The following NAV1 variants were observed in gnomAD, a reference collection of about 807,000 sequenced individuals.
NAV1 encodes neuron navigator 1.
NAV1 carries 18 observed loss-of-function variants against 175.2 expected under a neutral mutation model. The observed-to-expected ratio is 0.10, with a 90% confidence interval of 0.07 to 0.15. The LOEUF is 0.15. Among genes scored for constraint, NAV1 ranks in the 10% least tolerant of loss-of-function variants. NAV1 has a pLI of 1.00. For missense variants in NAV1, 1,731 were observed against 2,436.6 expected, an observed-to-expected ratio of 0.71 and a Z score of 6.10; for synonymous variants, 897 against 978.7, an observed-to-expected ratio of 0.92 and a Z score of 1.56.
rs529072058 is a variant in NAV1 at position 201,648,452 on chromosome 1, C to T, written c.-217C>T. ...GGCTTCCCTGCTCTTTCCTTTTTCC[C>T]GGCTTCCTTCCTCGCGTTTCTTTCC... On this transcript the variant is annotated 5_prime_UTR_variant, in exon 1 of 30. Transcript: ENST00000367296. 611 of 1,232,398 alleles carry T rather than the reference C, an allele frequency of 5.0e-4. 2 individuals carry two copies. In the African/African-American group the frequency reaches 8.9e-3, roughly 18 times the overall value. The allele number at this position is 1,232,398 out of a possible 1,614,324, so 76.3% of individuals were successfully genotyped here.
intron 3 of NAV1, among the ~76,000 whole-genome samples, chr1:201,771,533 G>A (rs1172178938): frequency 6.7e-6 from 1 of 148,478 alleles, no homozygotes; most frequent in Non-Finnish European, 1.5e-5. Context: ...CTGGTGAACT[G>A]ACCTATAACA....
At chr1:201,799,254 G>C in intron 15 of NAV1, among the ~76,000 whole-genome samples, 1 of 152,004 alleles carries the variant, frequency 6.6e-6, no homozygotes, top group East Asian at 1.9e-4. Flanking sequence ...ATTAGGTGGA[G>C]GGCATATGGG....
chr1:201,649,916 C>A (rs61039413), intron 1 of NAV1, among the ~76,000 whole-genome samples: 2,225 of 152,052 alleles, frequency 0.015, 64 homozygotes, highest in African/African-American at 0.051. Context: ...TCCACTTCCT[C>A]TGTGGATCCC....
In NAV1 at chr1:201,539,430, C is replaced by A. The variant is rs1665436281; in HGVS notation, c.-144+88C>A. 6.6e-6 allele frequency among the ~76,000 whole-genome samples: 1 copy of A among 151,916 alleles called. No homozygotes were observed. Among genetic ancestry groups the A allele is most frequent in the African/African-American group, 2.4e-5 (1 of 41,382 alleles). ...TGCGAGGCTTGGCTGGCAGGTCCTGCGAGGCCGAGACCAAGTCTCGGGGTA... is the reference window on the plus strand; with the variant it reads ...TGCGAGGCTTGGCTGGCAGGTCCTGAGAGGCCGAGACCAAGTCTCGGGGTA... On this transcript the variant is annotated intron_variant, in intron 1 of 33. Coordinates refer to the NAV1 transcript ENST00000685211. The surrounding 1 kb of genome is among the most constrained non-coding windows in gnomAD (Gnocchi z 5.6).
intron 2 of NAV1, among the ~76,000 whole-genome samples, chr1:201,599,503 A>G (rs1438895268): frequency 6.6e-6 from 1 of 152,188 alleles, no homozygotes; most frequent in Non-Finnish European, 1.5e-5. Flanking sequence ...TAAGGGTTTC[A>G]TGAGGTCCTG....
intron 3 of NAV1, among the ~76,000 whole-genome samples, chr1:201,745,824 T>A (rs2102575747): frequency 6.6e-6 from 1 of 152,088 alleles, no homozygotes; most frequent in East Asian, 1.9e-4. Context: ...GGAAGTTAAT[T>A]TTATTGTATT....
At position 201,782,066 on chromosome 1, in the gene NAV1, G is replaced by A; in HGVS notation, c.1664-110G>A. 9.9e-7 allele frequency: 1 copy of A among 1,007,604 alleles called. No individual in the cohort carries two copies. Among genetic ancestry groups the A allele is most frequent in the African/African-American group, 1.6e-5 (1 of 61,986 alleles). 62.4% of individuals were successfully genotyped at this position (1,007,604 alleles called of 1,614,324 possible). ...TTTACCCAAATTTAGGCCTCTAAAA[G>A]TCTACAATACATGGACAATGTTCCC... On this transcript the variant is annotated intron_variant, in intron 5 of 29. Coordinates refer to ENST00000367296, the Ensembl canonical transcript of NAV1. This position sits in a 1 kb window ranked among gnomAD's most constrained non-coding sequence, Gnocchi z 5.4.
At chr1:201,552,526 C>A (rs977172845) in intron 1 of NAV1, among the ~76,000 whole-genome samples, 1 of 152,098 alleles carries the variant, frequency 6.6e-6, no homozygotes, top group African/African-American at 2.4e-5. Flanking sequence ...GGGTAATGCA[C>A]AGGCTTTGGA....
chr1:201,804,616 A>C (rs1045105376), intron 17 of NAV1, 119 bp downstream of exon 21: 2 of 953,044 alleles, frequency 2.1e-6, no homozygotes, highest in Non-Finnish European at 3.1e-6. Flanking sequence ...ATGACCACTC[A>C]TAACACTAAC....
intron 3 of NAV1, among the ~76,000 whole-genome samples, chr1:201,746,385 A>G (rs185046278): frequency 1.3e-5 from 2 of 152,200 alleles, no homozygotes; most frequent in African/African-American, 2.4e-5. Flanking sequence ...ATTAGGTTAA[A>G]TCATGTCACC....
At chr1:201,544,892 T>A (rs954421521) in intron 1 of NAV1, among the ~76,000 whole-genome samples, 4 of 152,250 alleles carry the variant, frequency 2.6e-5, no homozygotes, top group African/African-American at 9.6e-5. Flanking sequence ...AAGGTTGATA[T>A]ATGACGTAAT....
rs1678790484 is a variant in NAV1 at position 201,813,030 on chromosome 1, T to G, written c.5222-110T>G. On this transcript the variant is annotated intron_variant, in intron 27 of 29. Transcript: ENST00000367296. This position sits in a 1 kb window ranked among gnomAD's most constrained non-coding sequence, Gnocchi z 4.2. ...AGTCTTGACAACTCTAAATTTCCTTTAATCCTTTGACTGTCAGACCCCTCT... is the reference window on the plus strand; with the variant it reads ...AGTCTTGACAACTCTAAATTTCCTTGAATCCTTTGACTGTCAGACCCCTCT... The G allele has an allele frequency of 1.3e-6, 1 of 779,814 alleles. No homozygotes were observed. Among genetic ancestry groups the G allele is most frequent in the Non-Finnish European group, 2.1e-6 (1 of 471,094 alleles). The allele number at this position is 779,814 out of a possible 1,614,324, so 48.3% of individuals were successfully genotyped here.
intron 8 of NAV1, among the ~76,000 whole-genome samples, 165 bp downstream of exon 12, chr1:201,785,516 C>T (rs371383160): frequency 6.6e-6 from 1 of 152,118 alleles, no homozygotes; most frequent in East Asian, 1.9e-4. Context: ...CTTGCCCAAG[C>T]TTAATATTAT....
At chr1:201,821,505 G>C (rs1036159683) in exon 30 of NAV1, 12 of 144,662 alleles carry the variant, frequency 8.3e-5, no homozygotes, top group South Asian at 2.3e-4. Context: ...GGTTAAAACA[G>C]ACACACACAC....
At chr1:201,679,624 C>T (rs756149702) in intron 1 of NAV1, among the ~76,000 whole-genome samples, 33 of 152,234 alleles carry the variant, frequency 2.2e-4, no homozygotes, top group Non-Finnish European at 4.1e-4. Context: ...CATGATAGGC[C>T]GACAAAGTTG....
chr1:201,648,062 G>A (rs879553577), upstream of NAV1, among the ~76,000 whole-genome samples: 1 of 63,172 alleles, frequency 1.6e-5, no homozygotes, highest in Non-Finnish European at 3.0e-5. Flanking sequence ...TCCCCCTCCC[G>A]AGCCAGAAAT....
rs764911367 is a variant in NAV1, at chr1:201,793,781, G to A, written c.3322-11G>A. 3.1e-6 allele frequency: 5 copies of A among 1,609,736 alleles called. No homozygotes were observed. Among genetic ancestry groups the A allele is most frequent in the Non-Finnish European group, 3.4e-6 (4 of 1,177,882 alleles). ...ATGCAACTTAGCAATCTCTTTCTGT[G>A]TTTGTTTCAGGCTAATCTGGTGGCT... On this transcript the variant is annotated splice_polypyrimidine_tract_variant and intron_variant, in intron 13 of 29. Coordinates refer to ENST00000367296, the Ensembl canonical transcript of NAV1.
At chr1:201,546,772 T>C (rs980796654) in intron 1 of NAV1, among the ~76,000 whole-genome samples, 2 of 151,198 alleles carry the variant, frequency 1.3e-5, no homozygotes, top group Non-Finnish European at 3.0e-5. Context: ...GGCATGGTGG[T>C]GGGTGCCTGT....
At chr1:201,714,215 C>T (rs1376069947) in intron 2 of NAV1, among the ~76,000 whole-genome samples, 1 of 152,194 alleles carries the variant, frequency 6.6e-6, no homozygotes, top group African/African-American at 2.4e-5. Context: ...CCGGCCAACT[C>T]ACTACCTTTC....
Sources: gnomAD v4.1 joint callset for allele counts (sites outside exome capture counted in the v4.1 genomes callset) on GRCh38, gnomAD v4.1.1 for gene constraint, Gnocchi (gnomAD v3.1) non-coding constraint, MANE v1.5 for transcripts, NCBI Gene and HGNC (gene_info 2026-07-23, HGNC 2026-07-21) for gene names.